TTC29: variants seen among roughly 807,000 people sequenced by gnomAD.
The protein encoded by TTC29 is tetratricopeptide repeat protein 29.
Under a neutral mutation model 58.1 loss-of-function variants are expected in TTC29, and 49 were observed. The ratio of observed to expected loss-of-function variants is 0.84; its 90% CI spans 0.67 to 1.07. The LOEUF is 1.07. Among genes scored for constraint, TTC29 ranks in the 50% least tolerant of loss-of-function variants. TTC29 has a pLI of 0.00. For missense variants in TTC29, 582 were observed against 555.6 expected, an observed-to-expected ratio of 1.05 and a Z score of -0.48; for synonymous variants, 209 against 196.8, an observed-to-expected ratio of 1.06 and a Z score of -0.52.
intron 11 of TTC29, among the ~76,000 whole-genome samples, chr4:146,710,268 C>T (rs974821585): frequency 3.9e-5 from 6 of 151,994 alleles, no homozygotes; most frequent in Admixed American, 2.0e-4. Flanking sequence ...TGAACCTGTT[C>T]GGCACATTAC....
intron 11 of TTC29, among the ~76,000 whole-genome samples, chr4:146,753,813 C>G (rs528281159): frequency 6.6e-6 from 1 of 151,818 alleles, no homozygotes; most frequent in African/African-American, 2.4e-5. Flanking sequence ...GACAAAAAAT[C>G]AGACACTGCA....
chr4:146,720,752 T>C (rs1278651924), intron 11 of TTC29, among the ~76,000 whole-genome samples: 3 of 152,140 alleles, frequency 2.0e-5, no homozygotes, highest in African/African-American at 4.8e-5. Context: ...TCTGCTTGTA[T>C]AATAATGAAT....
intron 4 of TTC29, among the ~76,000 whole-genome samples, chr4:146,910,995 A>G (rs1367858089): frequency 6.6e-6 from 1 of 152,134 alleles, no homozygotes; most frequent in African/African-American, 2.4e-5. Flanking sequence ...GAGAGTAGAA[A>G]AGTCAACATC....
intron 6 of TTC29, among the ~76,000 whole-genome samples, chr4:146,888,917 T>C (rs1413912595): frequency 6.6e-6 from 1 of 152,154 alleles, no homozygotes; most frequent in Admixed American, 6.6e-5. Flanking sequence ...ATTAAATAAC[T>C]CACCTAGATT....
chr4:146,814,755 AG>A (rs1751281174), intron 10 of TTC29, among the ~76,000 whole-genome samples: 1 of 125,814 alleles, frequency 7.9e-6, no homozygotes, highest in African/African-American at 3.0e-5. Context: ...AAAAAAGGGG[AG>A]GGGGGCGACT....
chr4:146,900,679 A>G (rs1419171663), intron 6 of TTC29, among the ~76,000 whole-genome samples: 1 of 152,202 alleles, frequency 6.6e-6, no homozygotes, highest in African/African-American at 2.4e-5. Flanking sequence ...ATTTTTAAAA[A>G]TCAGAATGAG....
At chr4:146,733,464 G>A (rs1262571729) in intron 11 of TTC29, among the ~76,000 whole-genome samples, 3 of 151,792 alleles carry the variant, frequency 2.0e-5, no homozygotes, top group Admixed American at 6.6e-5. Context: ...ACCTAATATC[G>A]AACTTGTTTC....
At chr4:146,874,457 T>C (rs1183621508) in intron 7 of TTC29, among the ~76,000 whole-genome samples, 2 of 152,196 alleles carry the variant, frequency 1.3e-5, no homozygotes, top group African/African-American at 2.4e-5. Context: ...CTGCTCACTT[T>C]AGGTTCTTTG....
chr4:146,925,003 A>G (rs954755323), intron 4 of TTC29, among the ~76,000 whole-genome samples: 4 of 151,990 alleles, frequency 2.6e-5, no homozygotes, highest in African/African-American at 7.2e-5. Context: ...TTGCTTCCCA[A>G]TTCGGGAAGA....
In TTC29 at chr4:146,908,197, T is replaced by C. The variant is rs547418329; in HGVS notation, c.400+829A>G. Reference sequence around the variant, plus strand: ...CTGAAATGACATGTAGACATTGTCATGTTGAGGCCTGAGTTTTTCTTTTTG... The same window carrying C: ...CTGAAATGACATGTAGACATTGTCACGTTGAGGCCTGAGTTTTTCTTTTTG... On this transcript the variant is annotated intron_variant, in intron 5 of 12. Transcript: ENST00000325106. Among the ~76,000 whole-genome samples the C allele has an allele frequency of 5.3e-5, 8 of 152,274 alleles. No homozygotes were observed. In the South Asian group the frequency reaches 1.0e-3, roughly 20 times the overall value.
At chr4:146,807,338 G>A (rs1298842033) in intron 10 of TTC29, among the ~76,000 whole-genome samples, 1 of 151,938 alleles carries the variant, frequency 6.6e-6, no homozygotes, top group East Asian at 1.9e-4. Flanking sequence ...AACTAGAGAA[G>A]CAAGAGCAAA....
intron 4 of TTC29, among the ~76,000 whole-genome samples, chr4:146,936,757 C>A (rs1735857329): frequency 1.3e-5 from 2 of 152,142 alleles, no homozygotes; most frequent in Admixed American, 1.3e-4. Flanking sequence ...CAAACCTACA[C>A]CAAAATATCA....
At chr4:146,910,466 T>C (rs1312415695) in intron 4 of TTC29, among the ~76,000 whole-genome samples, 1 of 152,028 alleles carries the variant, frequency 6.6e-6, no homozygotes, top group Non-Finnish European at 1.5e-5. Flanking sequence ...TCTTATCCAT[T>C]GGATCAACTT....
At chr4:146,943,470 A>C (rs990355882) in intron 2 of TTC29, among the ~76,000 whole-genome samples, 1 of 152,126 alleles carries the variant, frequency 6.6e-6, no homozygotes, top group African/African-American at 2.4e-5. Context: ...CCCTCAATCA[A>C]TCTATGTTGG....
intron 7 of TTC29, among the ~76,000 whole-genome samples, chr4:146,872,916 G>A (rs904574714): frequency 7.9e-5 from 12 of 151,994 alleles, no homozygotes; most frequent in African/African-American, 2.7e-4. Context: ...GTACACAAAT[G>A]TTCATTCCAG....
intron 7 of TTC29, 51 bp downstream of exon 7, chr4:146,874,665 C>G: frequency 7.2e-7 from 1 of 1,389,102 alleles, no homozygotes; most frequent in Non-Finnish European, 1.0e-6. Flanking sequence ...TTGGGAGAAA[C>G]AGTGTCTACC....
chr4:146,897,856 G>C (rs986756505), intron 6 of TTC29, among the ~76,000 whole-genome samples: 3 of 152,226 alleles, frequency 2.0e-5, no homozygotes, highest in African/African-American at 7.2e-5. Context: ...AGCAGAGATA[G>C]ATTAAAGACT....
intron 10 of TTC29, among the ~76,000 whole-genome samples, chr4:146,811,146 T>C (rs534049927): frequency 2.0e-5 from 3 of 152,318 alleles, no homozygotes; most frequent in African/African-American, 7.2e-5. Flanking sequence ...GTTGTTGTTG[T>C]TGTTTGTTAG....
intron 10 of TTC29, among the ~76,000 whole-genome samples, chr4:146,805,857 C>T (rs1417829294): frequency 6.6e-6 from 1 of 152,022 alleles, no homozygotes; most frequent in Non-Finnish European, 1.5e-5. Flanking sequence ...GCAAGACAGG[C>T]CAACATTCAA....
Sources: allele counts gnomAD v4.1 joint callset (sites outside exome capture counted in the v4.1 genomes callset), GRCh38; gene constraint gnomAD v4.1.1; transcripts MANE v1.5; gene names NCBI Gene and HGNC (gene_info 2026-07-23, HGNC 2026-07-21).